CEP295: variants seen among roughly 807,000 people sequenced by gnomAD.
The protein encoded by CEP295 is centrosomal protein 295, also known as centrosomal protein of 295 kDa.
A neutral mutation model predicts 291.6 loss-of-function variants in CEP295; 190 were observed. The observed-to-expected ratio is 0.65, with a 90% confidence interval of 0.58 to 0.73. The LOEUF (loss-of-function observed/expected upper bound fraction) is 0.73, where lower values mean the gene tolerates loss of function less well. Among genes scored for constraint, CEP295 ranks in the 30% least tolerant of loss-of-function variants. The pLI, the probability that CEP295 is intolerant of heterozygous loss-of-function variation, is 0.00. For missense variants in CEP295, 2,863 were observed against 2,949.4 expected (o/e 0.97, Z 0.68); for synonymous variants, 993 against 1,038.8 (o/e 0.96, Z 0.85).
intron 8 of CEP295, 61 bp downstream of exon 8, chr11:93,683,803 T>A: frequency 6.8e-7 from 1 of 1,480,796 alleles, no homozygotes; most frequent in Non-Finnish European, 9.0e-7. Context: ...GGAAAATATG[T>A]TTGTAATGAT....
At position 93,699,092 on chromosome 11, in the gene CEP295, A is replaced by G; in HGVS notation, c.4180A>G (p.Thr1394Ala). 2 of 1,547,796 alleles carry G rather than the reference A, an allele frequency of 1.3e-6. No homozygotes were observed. Among genetic ancestry groups the G allele is most frequent in the Non-Finnish European group, 1.7e-6 (2 of 1,147,084 alleles). ...EGRISPEQVD[T>A]SSLPLVPQHS... ...AAGAATATCTCCCGAGCAGGTTGAC[A>G]CCTCTTCCTTACCCCTAGTACCACA... The change falls in exon 15 of 30, where the codon ACC becomes GCC. Residue 1394 changes from threonine to alanine, a missense_variant. Coordinates refer to ENST00000325212, the MANE Select transcript of CEP295 (RefSeq NM_033395.2).
intron 21 of CEP295, 197 bp downstream of exon 21, chr11:93,723,486 T>A (rs1381465197): frequency 6.7e-6 from 3 of 446,092 alleles, no homozygotes; most frequent in African/African-American, 6.0e-5. Flanking sequence ...TGAGGCACAT[T>A]TATAGGAGAT....
At chr11:93,724,535 G>A (rs1441129472) in intron 22 of CEP295, among the ~76,000 whole-genome samples, 160 bp downstream of exon 22, 1 of 152,194 alleles carries the variant, frequency 6.6e-6, no homozygotes, top group African/African-American at 2.4e-5. Flanking sequence ...GAGAGCCCAA[G>A]GCGGGCAGAT....
At chr11:93,670,357 A>C (rs1045368799) in intron 5 of CEP295, among the ~76,000 whole-genome samples, 1 of 150,878 alleles carries the variant, frequency 6.6e-6, no homozygotes, top group East Asian at 1.9e-4. Context: ...TTTTTATGGG[A>C]GTAAAATGTG....
intron 28 of CEP295, 28 bp from the exon 29 acceptor site, chr11:93,730,021 T>C (rs1938219232): frequency 6.6e-7 from 1 of 1,514,066 alleles, no homozygotes; most frequent in Non-Finnish European, 8.8e-7. Flanking sequence ...GCAGTGTTTG[T>C]CTCTAATTCT....
chr11:93,723,656 A>T, intron 21 of CEP295: 1 of 168,188 alleles, frequency 5.9e-6, no homozygotes, highest in Non-Finnish European at 1.3e-5. Context: ...TTACTTTTTA[A>T]TCTTTTATAA....
intron 14 of CEP295, 108 bp from the exon 15 acceptor site, chr11:93,696,574 C>A: frequency 8.8e-7 from 1 of 1,134,700 alleles, no homozygotes; most frequent in Non-Finnish European, 1.2e-6. Flanking sequence ...TTCTTTTCAC[C>A]ATGAGTATTG....
chr11:93,684,163 T>G (rs1194037421), intron 9 of CEP295, 35 bp downstream of exon 9: 55 of 1,520,236 alleles, frequency 3.6e-5, no homozygotes, highest in Non-Finnish European at 4.5e-5. Flanking sequence ...TTACAGTATT[T>G]CACAGAAAAA....
intron 5 of CEP295, among the ~76,000 whole-genome samples, chr11:93,673,871 G>A (rs1565433999): frequency 6.6e-6 from 1 of 151,984 alleles, no homozygotes; most frequent in Non-Finnish European, 1.5e-5. Flanking sequence ...GCCAAGACAC[G>A]AGAAGTTCTT....
At chr11:93,685,900 G>C (rs569959121) in intron 9 of CEP295, among the ~76,000 whole-genome samples, 35 of 152,048 alleles carry the variant, frequency 2.3e-4, no homozygotes, top group Non-Finnish European at 4.4e-4. Context: ...TAGCAGAGAC[G>C]GGGTTTCACT....
rs1591193596 is a variant in CEP295, at chr11:93,730,073, G to GA, written c.7695dup (p.Gln2566ThrfsTer24). The GA allele has an allele frequency of 1.9e-6, 3 of 1,549,962 alleles. No individual in the cohort carries two copies. ...GGTTATACAATCAACTAGCTGAAGT[G>GA]AAACAACAAAAGGAAGAAAAAACAA... On this transcript the variant is annotated frameshift_variant, in exon 29 of 30. Coordinates refer to ENST00000325212, the MANE Select transcript of CEP295 (RefSeq NM_033395.2). LOFTEE classifies it high-confidence loss of function.
intron 7 of CEP295, 48 bp from the exon 8 acceptor site, chr11:93,683,511 A>T: frequency 7.4e-7 from 1 of 1,356,274 alleles, no homozygotes; most frequent in Admixed American, 3.1e-5. Flanking sequence ...TAATATTACC[A>T]TACAAAGTTT....
Position 93,699,168 on chromosome 11 carries a change from C to G in CEP295, c.4256C>G (p.Pro1419Arg), listed in dbSNP as rs763204069. ...PLNESERNQE[P>R]CSINSDNIVS... The stretch of plus-strand genomic sequence containing the variant: ...AATGAATCTGAAAGAAACCAAGAAC[C>G]ATGTTCAATTAACAGTGATAATATA... Residue 1419 changes from proline (P) to arginine (R), a missense_variant, in exon 15 of 30, where the codon CCA becomes CGA. This residue lies in a region of CEP295 where 2,295 missense variants were observed against 2,335.7 expected (regional missense o/e 0.98). Transcript: ENST00000325212. The G allele has an allele frequency of 2.1e-5, 33 of 1,551,684 alleles. No homozygotes were observed. Among genetic ancestry groups the G allele is most frequent in the African/African-American group, 4.1e-5 (3 of 73,016 alleles).
chr11:93,725,942 C>G, intron 23 of CEP295, 111 bp downstream of exon 23: 1 of 768,676 alleles, frequency 1.3e-6, no homozygotes. Flanking sequence ...GCTCTCACCC[C>G]TATCCTGGGT....
chr11:93,700,319 T>A, intron 15 of CEP295, 133 bp downstream of exon 15: 1 of 829,418 alleles, frequency 1.2e-6, no homozygotes, highest in Non-Finnish European at 1.8e-6. Flanking sequence ...TTTTTCACCC[T>A]AAATGATGTG....
At chr11:93,720,145 G>A (rs1457292749) in intron 18 of CEP295, among the ~76,000 whole-genome samples, 2 of 150,186 alleles carry the variant, frequency 1.3e-5, no homozygotes, top group African/African-American at 2.5e-5. Flanking sequence ...ATCACTTCAG[G>A]CTAGCAGTTC....
rs1253544804 is a variant in CEP295, at chr11:93,729,665, TA to T, written c.7454del (p.Lys2485ArgfsTer17). ...CCAGGGAGCTTACAAGAAGCATTTA[TA>T]AAGAGGAAAAAATCATTTATGGAGA... ...PVPGSLQEAFIKRKKSFMERS... is the reference protein window; with the variant it reads ...PVPGSLQEAFXKRKKSFMERS... On this transcript the variant is annotated frameshift_variant, in exon 27 of 30. Coordinates refer to ENST00000325212, the MANE Select transcript of CEP295 (RefSeq NM_033395.2). LOFTEE classifies it high-confidence loss of function. 1 of 1,550,794 alleles carries T rather than the reference TA, an allele frequency of 6.4e-7. No homozygotes were observed. The highest frequency in any genetic ancestry group is 8.7e-7 in the Non-Finnish European group (1 of 1,146,744).
intron 17 of CEP295, among the ~76,000 whole-genome samples, chr11:93,705,721 C>G (rs141524594): frequency 7.9e-5 from 12 of 152,086 alleles, no homozygotes; most frequent in African/African-American, 2.2e-4. Context: ...TACTTTAGAA[C>G]CTTTCCTCTA....
chr11:93,707,351 G>A (rs565495307), intron 18 of CEP295, among the ~76,000 whole-genome samples: 11 of 151,874 alleles, frequency 7.2e-5, no homozygotes, highest in East Asian at 1.9e-4. Context: ...TAATCTTCTC[G>A]CTTCTGAATT....
Sources: allele counts gnomAD v4.1 joint callset (sites outside exome capture counted in the v4.1 genomes callset), GRCh38; gene constraint gnomAD v4.1.1; regional missense constraint gnomAD v4.1.1; transcripts MANE v1.5; gene names NCBI Gene and HGNC (gene_info 2026-07-23, HGNC 2026-07-21).